Variants in HECW1 observed in about 807,000 individuals in gnomAD.
HECW1 encodes the protein E3 ubiquitin-protein ligase HECW1.
Under a neutral mutation model 182.3 loss-of-function variants are expected in HECW1, and 61 were observed. The ratio of observed to expected loss-of-function variants is 0.33; its 90% confidence interval spans 0.27 to 0.41. The LOEUF is 0.41. Among genes scored for constraint, HECW1 ranks in the 10% least tolerant of loss-of-function variants. The probability of loss-of-function intolerance (pLI) is 1.00; values close to 1 mark genes in which losing one functional copy is unlikely to be tolerated. For synonymous variants in HECW1, 859 were observed against 832.6 expected, an observed-to-expected ratio of 1.03 and a Z score of -0.55; for missense variants, 1,739 against 2,108.9, an observed-to-expected ratio of 0.82 and a Z score of 3.44.
chr7:43,126,063 C>T (rs1239531747), intron 2 of HECW1, among the ~76,000 whole-genome samples: 7 of 132,248 alleles, frequency 5.3e-5, no homozygotes, highest in Non-Finnish European at 3.2e-5. Flanking sequence ...TGAGTTTGTT[C>T]TCACTTTTTT....
intron 5 of HECW1, among the ~76,000 whole-genome samples, chr7:43,344,272 A>G (rs1813396696): frequency 6.6e-6 from 1 of 151,606 alleles, no homozygotes; most frequent in Admixed American, 6.6e-5. Context: ...ATTAGATCCC[A>G]TTTGCCTATT....
chr7:43,160,513 T>C (rs1375111695), intron 2 of HECW1, among the ~76,000 whole-genome samples: 6 of 152,328 alleles, frequency 3.9e-5, no homozygotes, highest in African/African-American at 1.2e-4. Context: ...TCCATAAATG[T>C]CCTAGAGGCA....
chr7:43,233,872 AG>A (rs1798081018), intron 2 of HECW1, among the ~76,000 whole-genome samples: 1 of 152,238 alleles, frequency 6.6e-6, no homozygotes, highest in Admixed American at 6.5e-5. Flanking sequence ...TGGGCATAAT[AG>A]AAGCTGTGAT....
At chr7:43,542,778 T>C (rs1267828056) in intron 26 of HECW1, among the ~76,000 whole-genome samples, 1 of 152,248 alleles carries the variant, frequency 6.6e-6, no homozygotes, top group East Asian at 1.9e-4. Context: ...AGGGATCTCA[T>C]TCATTCAAAC....
intron 3 of HECW1, among the ~76,000 whole-genome samples, chr7:43,278,006 G>C (rs561855300): frequency 6.6e-6 from 1 of 151,912 alleles, no homozygotes; most frequent in African/African-American, 2.4e-5. Flanking sequence ...CTCAGACCTG[G>C]CCCTCTCCTG....
At chr7:43,274,271 T>G (rs1802802176) in intron 3 of HECW1, 1 of 997,734 alleles carries the variant, frequency 1.0e-6, no homozygotes, top group Non-Finnish European at 1.4e-6. Flanking sequence ...CTAAATCATG[T>G]CGTCGCCAAG....
intron 25 of HECW1, among the ~76,000 whole-genome samples, 166 bp downstream of exon 25, chr7:43,541,427 A>G (rs1189169934): frequency 1.3e-5 from 2 of 152,206 alleles, no homozygotes; most frequent in African/African-American, 2.4e-5. Flanking sequence ...TACATTTTTT[A>G]GCACAATAAA....
Position 43,432,284 on chromosome 7 carries a change from C to T in HECW1, c.802-5719C>T, listed in dbSNP as rs10273924. On this transcript the variant is annotated intron_variant, in intron 8 of 29. Coordinates refer to ENST00000395891, the MANE Select transcript of HECW1 (RefSeq NM_015052.5). The surrounding 1 kb of genome is among the most constrained non-coding windows in gnomAD (Gnocchi z 4.1). ...CCTCCCAAGTAGCTGGGACTACAGG[C>T]GCCCGCCACTACACCCGGCTAATTT... 0.17 allele frequency among the ~76,000 whole-genome samples: 25,260 copies of T among 150,400 alleles called. 2,433 individuals carry two copies. The highest frequency in any genetic ancestry group is 0.25 in the African/African-American group (10,383 of 41,152).
At chr7:43,266,151 G>C (rs772411629) in intron 3 of HECW1, among the ~76,000 whole-genome samples, 1 of 152,036 alleles carries the variant, frequency 6.6e-6, no homozygotes, top group Non-Finnish European at 1.5e-5. Context: ...GTCAAGGGGC[G>C]GGCTAAAAAT....
Position 43,112,802 on chromosome 7 carries a change from G to A in HECW1, c.-402G>A. 4.4e-6 allele frequency: 1 copy of A among 229,012 alleles called. No individual in the cohort carries two copies. The highest frequency in any genetic ancestry group is 8.7e-6 in the Non-Finnish European group (1 of 115,298). The allele number at this position is 229,012 out of a possible 1,614,324, so 14.2% of individuals were successfully genotyped here. A position where few individuals can be genotyped will look rare whatever the true frequency, so the allele number is the denominator to read the frequency against. On this transcript the variant is annotated 5_prime_UTR_variant, in exon 1 of 30. Transcript: ENST00000395891. ...GGGCACCCGGCAGCCAGAGCGCAGC[G>A]AGAGCGGGCGGTCGCCAGGGTCCCC... is the stretch of plus-strand genomic sequence containing the variant.
intron 8 of HECW1, among the ~76,000 whole-genome samples, chr7:43,435,809 A>G (rs2076691934): frequency 6.6e-6 from 1 of 152,212 alleles, no homozygotes. Flanking sequence ...TGCCACAAAG[A>G]AGATACTCAC....
intron 2 of HECW1, among the ~76,000 whole-genome samples, chr7:43,128,729 G>T (rs1786555580): frequency 6.6e-6 from 1 of 152,140 alleles, no homozygotes; most frequent in Non-Finnish European, 1.5e-5. Context: ...AGAGTCCATT[G>T]AAAACCTTCT....
chr7:43,473,186 A>G (rs1254890057), intron 16 of HECW1, among the ~76,000 whole-genome samples: 1 of 152,202 alleles, frequency 6.6e-6, no homozygotes, highest in Non-Finnish European at 1.5e-5. Flanking sequence ...ATCTCTTACC[A>G]TGAAATCTCT....
chr7:43,290,858 G>A (rs1805311801), intron 3 of HECW1, among the ~76,000 whole-genome samples: 1 of 152,218 alleles, frequency 6.6e-6, no homozygotes, highest in African/African-American at 2.4e-5. Flanking sequence ...AAGAGCCATG[G>A]TGGAACGAAG....
At chr7:43,289,730 G>A (rs1805144854) in intron 3 of HECW1, among the ~76,000 whole-genome samples, 1 of 152,220 alleles carries the variant, frequency 6.6e-6, no homozygotes, top group Non-Finnish European at 1.5e-5. Flanking sequence ...AATCTCAAGA[G>A]GTCCTGAGAA....
At chr7:43,190,914 T>C (rs372510937) in intron 2 of HECW1, among the ~76,000 whole-genome samples, 1 of 152,212 alleles carries the variant, frequency 6.6e-6, no homozygotes, top group African/African-American at 2.4e-5. Flanking sequence ...CTGGAGTCTG[T>C]CTCAAGTATT....
chr7:43,344,690 C>T (rs570061176), intron 5 of HECW1, among the ~76,000 whole-genome samples: 20 of 152,032 alleles, frequency 1.3e-4, no homozygotes, highest in Admixed American at 5.9e-4. Context: ...CTTGCTCTTT[C>T]GTCTATATTT....
intron 2 of HECW1, among the ~76,000 whole-genome samples, chr7:43,221,093 C>A (rs1205371749): frequency 6.6e-6 from 1 of 152,166 alleles, no homozygotes; most frequent in Non-Finnish European, 1.5e-5. Context: ...CCTGGAAGCA[C>A]CTTGAGTACT....
chr7:43,116,310 T>C (rs1046590826), intron 2 of HECW1, among the ~76,000 whole-genome samples: 2 of 152,192 alleles, frequency 1.3e-5, no homozygotes, highest in Non-Finnish European at 2.9e-5. Context: ...GCTCTGGCCT[T>C]AGAAGGAAAC....
Sources: gnomAD v4.1 joint callset for allele counts (sites outside exome capture counted in the v4.1 genomes callset) on GRCh38, gnomAD v4.1.1 for gene constraint, Gnocchi (gnomAD v3.1) non-coding constraint, MANE v1.5 for transcripts, NCBI Gene and HGNC (gene_info 2026-07-23, HGNC 2026-07-21) for gene names.